TNFAIP8L3: variants seen among roughly 807,000 people sequenced by gnomAD.
TNFAIP8L3 encodes the protein TNF alpha induced protein 8 like 3.
Under a neutral mutation model 11.8 loss-of-function variants are expected in TNFAIP8L3, and 7 were observed. That is an observed-to-expected ratio of 0.59 (90% confidence interval 0.34 to 1.11). The LOEUF (loss-of-function observed/expected upper bound fraction) is 1.11. Among genes scored for constraint, TNFAIP8L3 ranks in the 50% most tolerant of loss-of-function variants. TNFAIP8L3 has a pLI of 0.03. For synonymous variants in TNFAIP8L3, 98 were observed against 103.8 expected, an observed-to-expected ratio of 0.94 and a Z score of 0.34; for missense variants, 219 against 258.6, an observed-to-expected ratio of 0.85 and a Z score of 1.05.
At chr15:51,078,561 T>C (rs1333231814) in intron 1 of TNFAIP8L3, among the ~76,000 whole-genome samples, 1 of 152,016 alleles carries the variant, frequency 6.6e-6, no homozygotes, top group Non-Finnish European at 1.5e-5. Context: ...ACTTCCCAAG[T>C]GTGAGATGCC....
At chr15:51,077,718 C>T (rs2065363165) in intron 1 of TNFAIP8L3, among the ~76,000 whole-genome samples, 1 of 152,232 alleles carries the variant, frequency 6.6e-6, no homozygotes, top group South Asian at 2.1e-4. Flanking sequence ...CTCCCTTCCC[C>T]GACAGCTTCT....
chr15:51,082,827 A>T (rs1336533543), intron 1 of TNFAIP8L3, among the ~76,000 whole-genome samples: 1 of 152,202 alleles, frequency 6.6e-6, no homozygotes, highest in East Asian at 1.9e-4. Context: ...TCAAAACATC[A>T]TCAGGTGCAA....
intron 1 of TNFAIP8L3, among the ~76,000 whole-genome samples, chr15:51,087,097 A>C (rs112483129): frequency 0.022 from 3,326 of 152,144 alleles, 146 homozygotes; most frequent in African/African-American, 0.077. Flanking sequence ...TGAACTTCTG[A>C]CCTCAGGTGA....
chr15:51,067,889 G>C (rs1257281317), intron 1 of TNFAIP8L3, among the ~76,000 whole-genome samples: 1 of 152,188 alleles, frequency 6.6e-6, no homozygotes, highest in Non-Finnish European at 1.5e-5. Context: ...CTCTTGACAA[G>C]AGCTTTCCCT....
At chr15:51,078,819 C>T (rs1567292011) in intron 1 of TNFAIP8L3, among the ~76,000 whole-genome samples, 1 of 152,058 alleles carries the variant, frequency 6.6e-6, no homozygotes, top group Admixed American at 6.6e-5. Flanking sequence ...ACGAGGCCTC[C>T]GACTGTCTAT....
At chr15:51,097,113 G>A (rs1309340966), upstream of TNFAIP8L3, among the ~76,000 whole-genome samples, 1 of 152,118 alleles carries the variant, frequency 6.6e-6, no homozygotes, top group East Asian at 1.9e-4. Flanking sequence ...TCAATAACAG[G>A]AAATGTGAAA....
chr15:51,070,210 G>A (rs931200180), intron 1 of TNFAIP8L3, among the ~76,000 whole-genome samples: 3 of 152,202 alleles, frequency 2.0e-5, no homozygotes, highest in Non-Finnish European at 4.4e-5. Flanking sequence ...ACTGGGGGGT[G>A]AATCATCTCC....
chr15:51,096,323 G>C (rs1267447101), upstream of TNFAIP8L3, among the ~76,000 whole-genome samples: 1 of 152,176 alleles, frequency 6.6e-6, no homozygotes, highest in Admixed American at 6.5e-5. Context: ...GGACTCTAGT[G>C]ATACAAGTTG....
intron 1 of TNFAIP8L3, among the ~76,000 whole-genome samples, chr15:51,063,972 T>TAAGA: frequency 6.6e-6 from 1 of 152,238 alleles, no homozygotes; most frequent in Non-Finnish European, 1.5e-5. Flanking sequence ...CAGCCATCTA[T>TAAGA]CTTGTATAAG....
chr15:51,091,676 G>GCACACA (rs3077947), intron 1 of TNFAIP8L3, among the ~76,000 whole-genome samples: 9,095 of 143,900 alleles, frequency 0.063, 338 homozygotes, highest in Admixed American at 0.13. Flanking sequence ...ACCTCCTCAA[G>GCACACA]CACACACACA....
upstream of TNFAIP8L3, among the ~76,000 whole-genome samples, chr15:51,095,614 C>T (rs1242517551): frequency 6.6e-6 from 1 of 151,540 alleles, no homozygotes; most frequent in Non-Finnish European, 1.5e-5. Flanking sequence ...GGATTAAACA[C>T]AGAGTGCTAA....
intron 1 of TNFAIP8L3, among the ~76,000 whole-genome samples, chr15:51,101,288 G>C (rs564493113): frequency 2.6e-5 from 4 of 152,306 alleles, no homozygotes; most frequent in African/African-American, 9.6e-5. Context: ...TCTCAGACCT[G>C]TGTAGCCAGT....
At chr15:51,100,335 G>GT (rs1020911940) in intron 1 of TNFAIP8L3, among the ~76,000 whole-genome samples, 16 of 152,194 alleles carry the variant, frequency 1.1e-4, no homozygotes, top group African/African-American at 3.9e-4. Context: ...TAGGAAGGAG[G>GT]TATCCAGTGG....
chr15:51,092,809 A>G (rs750645916), intron 1 of TNFAIP8L3, among the ~76,000 whole-genome samples: 15 of 152,154 alleles, frequency 9.9e-5, no homozygotes, highest in Non-Finnish European at 1.8e-4. Context: ...CCTTTCACCC[A>G]AGTACCAGGG....
At chr15:51,076,139 T>C (rs1251153138) in intron 1 of TNFAIP8L3, among the ~76,000 whole-genome samples, 6 of 152,238 alleles carry the variant, frequency 3.9e-5, no homozygotes, top group Non-Finnish European at 8.8e-5. Flanking sequence ...ACATATACTC[T>C]GTAGTAAAAC....
intron 1 of TNFAIP8L3, among the ~76,000 whole-genome samples, chr15:51,068,369 C>G (rs903768213): frequency 1.3e-5 from 2 of 152,112 alleles, no homozygotes; most frequent in East Asian, 3.9e-4. Flanking sequence ...ATAGTGACAC[C>G]AGCCTGTCTA....
chr15:51,100,629 C>T (rs1016086768), intron 1 of TNFAIP8L3, among the ~76,000 whole-genome samples: 1 of 152,110 alleles, frequency 6.6e-6, no homozygotes. Context: ...TTACAGACAC[C>T]TGGGGTCTTA....
At chr15:51,092,385 T>G (rs754100937) in intron 1 of TNFAIP8L3, among the ~76,000 whole-genome samples, 1 of 152,250 alleles carries the variant, frequency 6.6e-6, no homozygotes, top group Non-Finnish European at 1.5e-5. Flanking sequence ...TATCTGAATC[T>G]GCAACAACGG....
intron 1 of TNFAIP8L3, among the ~76,000 whole-genome samples, chr15:51,085,967 G>A (rs977391335): frequency 2.0e-5 from 3 of 152,116 alleles, no homozygotes; most frequent in Admixed American, 6.5e-5. Context: ...ATAACTAAGC[G>A]ACAATGCTTG....
Sources: gnomAD v4.1 joint callset for allele counts (sites outside exome capture counted in the v4.1 genomes callset) on GRCh38, gnomAD v4.1.1 for gene constraint, MANE v1.5 for transcripts, NCBI Gene and HGNC (gene_info 2026-07-23, HGNC 2026-07-21) for gene names.